SCP2: variants seen among roughly 807,000 people sequenced by gnomAD.
SCP2 encodes the protein sterol carrier protein 2.
In SCP2, 48 loss-of-function variants were observed where a neutral mutation model predicts 71.4. That is an observed-to-expected ratio of 0.67 (90% confidence interval 0.53 to 0.86). The LOEUF (loss-of-function observed/expected upper bound fraction) is 0.86. Ranked by LOEUF, SCP2 falls within the 40% of genes least tolerant of loss-of-function variation. The probability of loss-of-function intolerance (pLI) is 0.00; values close to 1 mark genes in which losing one functional copy is unlikely to be tolerated. For synonymous variants in SCP2, 220 were observed against 218.1 expected (o/e 1.01, Z -0.08); for missense variants, 560 against 655.6 (o/e 0.85, Z 1.59).
chr1:52,927,737 C>T (rs1233078824), intron 1 of SCP2, among the ~76,000 whole-genome samples: 4 of 152,134 alleles, frequency 2.6e-5, no homozygotes, highest in Non-Finnish European at 5.9e-5. Context: ...AGATTCTGAG[C>T]GGAGTCCCGA....
At chr1:52,998,588 A>G (rs927822286) in intron 11 of SCP2, among the ~76,000 whole-genome samples, 5 of 150,360 alleles carry the variant, frequency 3.3e-5, no homozygotes, top group Non-Finnish European at 5.9e-5. Context: ...AAAATTAGTC[A>G]GGCGTGGTGG....
chr1:53,015,823 AT>A (rs1210076334), intron 12 of SCP2, among the ~76,000 whole-genome samples: 3 of 152,106 alleles, frequency 2.0e-5, no homozygotes, highest in African/African-American at 7.2e-5. Flanking sequence ...TCACAGTCTA[AT>A]TTTTACCTCA....
chr1:52,973,409 C>T (rs572469861), intron 6 of SCP2, among the ~76,000 whole-genome samples: 19 of 151,830 alleles, frequency 1.3e-4, no homozygotes, highest in African/African-American at 3.6e-4. Context: ...TCCCACACTA[C>T]GATATTTCCT....
intron 12 of SCP2, among the ~76,000 whole-genome samples, chr1:53,023,112 A>G (rs1446733593): frequency 6.6e-6 from 1 of 152,224 alleles, no homozygotes; most frequent in Non-Finnish European, 1.5e-5. Context: ...AGCAGGGCAC[A>G]TATATAAATT....
intron 13 of SCP2, among the ~76,000 whole-genome samples, chr1:53,035,487 A>G (rs72903174): frequency 0.098 from 14,950 of 152,102 alleles, 1,461 homozygotes; most frequent in African/African-American, 0.22. Context: ...TGAAGATACT[A>G]CCTCTCTCCT....
chr1:52,972,494 T>C (rs1657586679), intron 6 of SCP2, among the ~76,000 whole-genome samples: 1 of 152,214 alleles, frequency 6.6e-6, no homozygotes, highest in Non-Finnish European at 1.5e-5. Flanking sequence ...TGCCAAGTAC[T>C]TTACTGTTTT....
chr1:53,025,520 T>C (rs537578646), intron 12 of SCP2, among the ~76,000 whole-genome samples: 1 of 152,272 alleles, frequency 6.6e-6, no homozygotes, highest in East Asian at 1.9e-4. Context: ...TCCCACTACA[T>C]TCCTCCTTGT....
chr1:53,045,612 A>G (rs1178856752), intron 14 of SCP2, among the ~76,000 whole-genome samples: 1 of 152,050 alleles, frequency 6.6e-6, no homozygotes, highest in African/African-American at 2.4e-5. Context: ...ACTATTTTAC[A>G]TTTCCTTCCA....
chr1:52,943,964 T>G, intron 2 of SCP2: 1 of 282,242 alleles, frequency 3.5e-6, no homozygotes, highest in South Asian at 4.6e-5. Context: ...CCCTCCTTCT[T>G]TGGGTGGAAC....
chr1:53,040,625 G>A (rs1663349765), intron 14 of SCP2, among the ~76,000 whole-genome samples: 1 of 152,174 alleles, frequency 6.6e-6, no homozygotes, highest in Admixed American at 6.5e-5. Context: ...GGAGGCTGAG[G>A]CAGGAGAATG....
At chr1:52,996,118 C>T (rs573127938) in intron 11 of SCP2, 23 of 521,954 alleles carry the variant, frequency 4.4e-5, no homozygotes, top group African/African-American at 3.7e-4. Flanking sequence ...TGTTTGCTGC[C>T]TGAAACACAA....
chr1:53,004,799 G>A (rs773014297), intron 11 of SCP2, among the ~76,000 whole-genome samples: 4 of 152,120 alleles, frequency 2.6e-5, no homozygotes, highest in Non-Finnish European at 2.9e-5. Context: ...TGCAGTCCAC[G>A]GAGTATGAGC....
intron 1 of SCP2, among the ~76,000 whole-genome samples, chr1:52,928,091 A>G (rs921836438): frequency 1.3e-5 from 2 of 151,906 alleles, no homozygotes; most frequent in Non-Finnish European, 2.9e-5. Context: ...GTGTATCTTC[A>G]CCTGTTAACT....
At chr1:52,997,574 C>T (rs1660023539) in intron 11 of SCP2, among the ~76,000 whole-genome samples, 1 of 151,990 alleles carries the variant, frequency 6.6e-6, no homozygotes, top group Admixed American at 6.6e-5. Context: ...ATGACATGTC[C>T]AGAATAGGCA....
intron 6 of SCP2, among the ~76,000 whole-genome samples, chr1:52,969,485 G>A (rs1286959235): frequency 6.6e-6 from 1 of 151,842 alleles, no homozygotes; most frequent in African/African-American, 2.4e-5. Context: ...TTCCAGCCTG[G>A]TTGACAGAGT....
At chr1:52,971,395 T>C (rs991308543) in intron 6 of SCP2, among the ~76,000 whole-genome samples, 6 of 152,220 alleles carry the variant, frequency 3.9e-5, no homozygotes, top group Admixed American at 6.5e-5. Context: ...AATTGGACAG[T>C]TTTCTAGTCT....
chr1:52,946,018 T>A (rs1179101529), intron 2 of SCP2, among the ~76,000 whole-genome samples: 1 of 151,632 alleles, frequency 6.6e-6, no homozygotes, highest in African/African-American at 2.4e-5. Context: ...AGCCTTGACC[T>A]CCTGGGCTCA....
At chr1:52,949,623 C>T (rs1242316) in intron 3 of SCP2, among the ~76,000 whole-genome samples, 3,046 of 152,164 alleles carry the variant, frequency 0.02, 108 homozygotes, top group African/African-American at 0.069. Context: ...CAACTTAGAA[C>T]TTTTTAAAAG....
chr1:52,946,799 G>A (rs1028806573), intron 2 of SCP2, among the ~76,000 whole-genome samples: 1 of 150,062 alleles, frequency 6.7e-6, no homozygotes. Flanking sequence ...GCTCACACCT[G>A]TAATTCCAGC....
Sources: allele counts gnomAD v4.1 joint callset (sites outside exome capture counted in the v4.1 genomes callset), GRCh38; gene constraint gnomAD v4.1.1; transcripts MANE v1.5; gene names NCBI Gene and HGNC (gene_info 2026-07-23, HGNC 2026-07-21).